RFT1: variants seen among roughly 807,000 people sequenced by gnomAD.
RFT1 encodes the protein RFT1 glycolipid translocator homolog.
A neutral mutation model predicts 62.2 loss-of-function variants in RFT1; 43 were observed. The ratio of observed to expected loss-of-function variants is 0.69; its 90% CI spans 0.54 to 0.89. RFT1 has a LOEUF of 0.89. Ranked by LOEUF, RFT1 falls within the 40% of genes least tolerant of loss-of-function variation. The probability of loss-of-function intolerance (pLI) is 0.00; values close to 1 mark genes in which losing one functional copy is unlikely to be tolerated. For missense variants in RFT1, 605 were observed against 649.9 expected, an observed-to-expected ratio of 0.93 and a Z score of 0.75; for synonymous variants, 262 against 264.6, an observed-to-expected ratio of 0.99 and a Z score of 0.10.
chr3:53,114,524 C>T (rs754633864), intron 6 of RFT1, among the ~76,000 whole-genome samples: 1 of 152,072 alleles, frequency 6.6e-6, no homozygotes, highest in Admixed American at 6.5e-5. Context: ...ATCTGAGATG[C>T]GGCTTCTGCA....
chr3:53,100,727 T>C (rs1437176766), intron 10 of RFT1, among the ~76,000 whole-genome samples: 1 of 152,152 alleles, frequency 6.6e-6, no homozygotes, highest in Non-Finnish European at 1.5e-5. Context: ...TACTGATCCA[T>C]GGTGATAGAA....
At chr3:53,072,109 G>T in the RFT1 span, among the ~76,000 whole-genome samples, 24,589 of 152,226 alleles carry the variant, frequency 0.16, 2,912 homozygotes, top group African/African-American at 0.34. Context: ...ATGAAGGACA[G>T]GCCTCTGCCT....
chr3:53,068,903 T>C, the RFT1 span, among the ~76,000 whole-genome samples: 1 of 152,210 alleles, frequency 6.6e-6, no homozygotes, highest in Non-Finnish European at 1.5e-5. Context: ...TTCAACACTT[T>C]ATTATAAAAC....
Position 53,120,040 on chromosome 3 carries a change from T to A in RFT1, c.559-19A>T, listed in dbSNP as rs1659320566. 1 of 1,585,230 alleles carries A rather than the reference T, an allele frequency of 6.3e-7. No homozygotes were observed. The highest frequency in any genetic ancestry group is 8.6e-7 in the Non-Finnish European group (1 of 1,169,112). ...AGAAAAGCTGAGAAAAAAAATAAAC[T>A]GTTTTAATAAAGGCATAATTAAGAT... On this transcript the variant is annotated intron_variant, in intron 5 of 12. Transcript: ENST00000296292.
the RFT1 span, among the ~76,000 whole-genome samples, chr3:53,067,306 G>A: frequency 6.6e-6 from 1 of 152,134 alleles, no homozygotes; most frequent in South Asian, 2.1e-4. Context: ...CCGTGATGGC[G>A]CCCCACTGCA....
chr3:53,074,008 G>GCGGGGCCC, the RFT1 span, among the ~76,000 whole-genome samples: 1 of 152,194 alleles, frequency 6.6e-6, no homozygotes, highest in Admixed American at 6.5e-5. Context: ...AGTTAGGTCT[G>GCGGGGCCC]CGGGGCCCCG....
intron 6 of RFT1, among the ~76,000 whole-genome samples, chr3:53,115,569 A>T (rs1701769170): frequency 6.6e-6 from 1 of 151,522 alleles, no homozygotes; most frequent in Non-Finnish European, 1.5e-5. Context: ...CCCTTCCCCC[A>T]TTTTCCAGCC....
chr3:53,082,507 G>GATA, the RFT1 span, among the ~76,000 whole-genome samples: 2 of 151,730 alleles, frequency 1.3e-5, no homozygotes, highest in Non-Finnish European at 2.9e-5. Flanking sequence ...TAACAATAAT[G>GATA]ATAATAATAA....
chr3:53,117,466 C>T (rs1051315803), intron 6 of RFT1, among the ~76,000 whole-genome samples: 1 of 152,214 alleles, frequency 6.6e-6, no homozygotes, highest in African/African-American at 2.4e-5. Flanking sequence ...TCCTACATGT[C>T]TGTATCCCTG....
intron 11 of RFT1, among the ~76,000 whole-genome samples, chr3:53,095,721 A>T (rs1227908319): frequency 3.4e-5 from 1 of 29,426 alleles, no homozygotes; most frequent in Non-Finnish European, 1.1e-4. Context: ...GTCTCAAAAA[A>T]AGTTAAAAAA....
chr3:53,098,069 CT>C (rs767878390), intron 11 of RFT1, among the ~76,000 whole-genome samples: 5 of 152,204 alleles, frequency 3.3e-5, no homozygotes, highest in Non-Finnish European at 7.3e-5. Flanking sequence ...AACTGGGGTA[CT>C]TCCTGCCTTG....
the RFT1 span, among the ~76,000 whole-genome samples, chr3:53,079,505 G>A: frequency 6.6e-6 from 1 of 152,200 alleles, no homozygotes; most frequent in Non-Finnish European, 1.5e-5. Flanking sequence ...AGGCTGAGAC[G>A]AGTGGATCAC....
At chr3:53,073,590 C>T in the RFT1 span, among the ~76,000 whole-genome samples, 1 of 152,206 alleles carries the variant, frequency 6.6e-6, no homozygotes, top group Non-Finnish European at 1.5e-5. Flanking sequence ...CTCTTCCAGG[C>T]CCTGAGCCCA....
intron 8 of RFT1, among the ~76,000 whole-genome samples, 195 bp downstream of exon 8, chr3:53,106,624 G>A (rs999973590): frequency 3.3e-5 from 5 of 152,118 alleles, no homozygotes; most frequent in Non-Finnish European, 7.3e-5. Context: ...ATAGAGGGCC[G>A]GGGTCTCACC....
intron 7 of RFT1, among the ~76,000 whole-genome samples, chr3:53,110,688 T>G (rs1227679873): frequency 6.6e-6 from 1 of 152,116 alleles, no homozygotes; most frequent in Admixed American, 6.5e-5. Context: ...ATAATAACAG[T>G]TGTATTAGAA....
rs1193330895 is a variant in RFT1, at chr3:53,091,779, C to T, written c.*124G>A. On this transcript the variant is annotated 3_prime_UTR_variant, in exon 13 of 13. Coordinates refer to ENST00000296292, the MANE Select transcript of RFT1 (RefSeq NM_052859.4). ...CATGCAGTGGCACTCTCTGGTGCCT[C>T]ATCTCTGGGGTTGCTGTCACTCCGC... 8 of 1,014,446 alleles carry T rather than the reference C, an allele frequency of 7.9e-6. No individual in the cohort carries two copies. Among genetic ancestry groups the T allele is most frequent in the African/African-American group, 1.6e-5 (1 of 63,982 alleles). The allele number at this position is 1,014,446 out of a possible 1,614,324, so 62.8% of individuals were successfully genotyped here. A position where few individuals can be genotyped will look rare whatever the true frequency, so the allele number is the denominator to read the frequency against.
chr3:53,110,653 G>A (rs1339101790), intron 7 of RFT1, among the ~76,000 whole-genome samples: 2 of 152,106 alleles, frequency 1.3e-5, no homozygotes, highest in Admixed American at 1.3e-4. Flanking sequence ...AAAAAATACA[G>A]ATGGGGGGGA....
At chr3:53,080,727 C>T in the RFT1 span, among the ~76,000 whole-genome samples, 15 of 152,224 alleles carry the variant, frequency 9.9e-5, no homozygotes, top group African/African-American at 3.6e-4. Context: ...CCCTATGAGG[C>T]AAGTGCTATT....
rs745785818 is a variant in RFT1 at position 53,105,772 on chromosome 3, G to A, written c.858C>T (p.Ser286=). 3 of 1,613,442 alleles carry A rather than the reference G, an allele frequency of 1.9e-6. No homozygotes were observed. The highest frequency in any genetic ancestry group is 2.7e-5 in the African/African-American group (2 of 74,814). ...GCTGGAAAATTAATCTGGCCACAAG[G>A]GAGCCAAGATTATTCACTATATCAT... ...GVYDIVNNLG[S]LVARLIFQPI... Residue 286 remains serine (S), a synonymous_variant, in exon 9 of 13, where the codon TCC becomes TCT. Coordinates refer to ENST00000296292, the MANE Select transcript of RFT1 (RefSeq NM_052859.4).
Sources: gnomAD v4.1 joint callset for allele counts (sites outside exome capture counted in the v4.1 genomes callset) on GRCh38, gnomAD v4.1.1 for gene constraint, MANE v1.5 for transcripts, NCBI Gene and HGNC (gene_info 2026-07-23, HGNC 2026-07-21) for gene names.